AMOT: variants seen among roughly 807,000 people sequenced by gnomAD.
The protein encoded by AMOT is angiomotin.
Under a neutral mutation model 67.0 loss-of-function variants are expected in AMOT, and 11 were observed. The ratio of observed to expected loss-of-function variants is 0.16; its 90% confidence interval spans 0.10 to 0.27. The LOEUF is 0.27. Ranked by LOEUF, AMOT falls within the 10% of genes least tolerant of loss-of-function variation. The probability of loss-of-function intolerance (pLI) is 1.00; values close to 1 mark genes in which losing one functional copy is unlikely to be tolerated. For missense variants in AMOT, 753 were observed against 852.0 expected (o/e 0.88, Z 1.45); for synonymous variants, 326 against 321.4 (o/e 1.01, Z -0.15).
Position 112,816,839 on chromosome X carries a change from T to G in AMOT, c.873-962A>C, listed in dbSNP as rs770444522. ...TTCCAGAAAGAGACCTTTGGTACAT[T>G]GTTTAATGTGGCTCTCCCATTTTTG... is the stretch of plus-strand genomic sequence containing the variant. On this transcript the variant is annotated intron_variant, in intron 4 of 13. Coordinates refer to ENST00000371959, the MANE Select transcript of AMOT (RefSeq NM_001113490.2). Among the ~76,000 whole-genome samples the G allele has an allele frequency of 2.7e-5, 3 of 112,253 alleles. No individual in the cohort carries two copies. In the South Asian group the frequency reaches 1.1e-3, roughly 42 times the overall value.
intron 9 of AMOT, 61 bp from the exon 10 acceptor site, chrX:112,790,843 C>T (rs1427020957): frequency 2.9e-6 from 3 of 1,020,028 alleles, no homozygotes; most frequent in African/African-American, 1.9e-5. Flanking sequence ...GTGTCTGAGC[C>T]CCTATTCTTG....
intron 4 of AMOT, 145 bp downstream of exon 4, chrX:112,822,110 G>T: frequency 1.4e-6 from 1 of 735,989 alleles, no homozygotes; most frequent in Non-Finnish European, 1.8e-6. Context: ...CGGGTTGGCA[G>T]GCAATTCACG....
At position 112,815,391 on chromosome X, in the gene AMOT, T is replaced by C. The variant is rs1934510696; in HGVS notation, c.1359A>G (p.Glu453=). ...GTCTTGCCACCTTCTCATAGCATCC[T>C]TCCAACTCTTGCCTCAAGTTCCGGT... ...DENRNLRQEL[E]GCYEKVARLQ... is the part of the protein sequence containing the mutation. Residue 453 remains glutamate (E), a synonymous_variant, in exon 5 of 14, where the codon GAA becomes GAG. Coordinates refer to ENST00000371959, the MANE Select transcript of AMOT (RefSeq NM_001113490.2). 1 of 1,211,433 alleles carries C rather than the reference T, an allele frequency of 8.3e-7. No individual in the cohort carries two copies. The highest frequency in any genetic ancestry group is 1.8e-5 in the South Asian group (1 of 56,839).
At chrX:112,791,793 T>G (rs1354627091) in intron 9 of AMOT, 39 bp downstream of exon 9, 1 of 1,197,848 alleles carries the variant, frequency 8.3e-7, no homozygotes, top group Non-Finnish European at 1.1e-6. Context: ...TGTCATTTTC[T>G]TACTTTTTTT....
chrX:112,804,916 CAGG>C, intron 8 of AMOT, 28 bp downstream of exon 8: 6 of 1,190,614 alleles, frequency 5.0e-6, no homozygotes, highest in East Asian at 6.0e-5. Context: ...CTCCCACCCC[CAGG>C]CTCATATGCT....
intron 12 of AMOT, chrX:112,780,444 C>A (rs1933111931): frequency 7.0e-6 from 1 of 143,270 alleles, no homozygotes; most frequent in African/African-American, 3.1e-5. Context: ...AAACCTGCTA[C>A]CCAAACGATT....
chrX:112,814,003 T>C (rs1214764412), intron 5 of AMOT, among the ~76,000 whole-genome samples: 2 of 112,111 alleles, frequency 1.8e-5, no homozygotes, highest in African/African-American at 6.5e-5. Flanking sequence ...CCAGGCGCAG[T>C]GGCTCACGCC....
intron 5 of AMOT, among the ~76,000 whole-genome samples, chrX:112,815,066 T>C (rs747233772): frequency 3.6e-5 from 4 of 112,358 alleles, no homozygotes; most frequent in Non-Finnish European, 7.5e-5. Context: ...GAAGTATCAC[T>C]GCCTTTTGGA....
In AMOT at chrX:112,815,832, C is replaced by G. The variant is rs1381681624; in HGVS notation, c.918G>C (p.Gln306His). Reference sequence around the variant, plus strand: ...TCAGAGAAGAAGTAGGGCTGTGAGGCTGCGAGTTCCTGGCTGACAATGGCA... The same window carrying G: ...TCAGAGAAGAAGTAGGGCTGTGAGGGTGCGAGTTCCTGGCTGACAATGGCA... ...ISLPLSARNSQPHSPTSSLTS... is the reference protein window; with the variant it reads ...ISLPLSARNSHPHSPTSSLTS... The change falls in exon 5 of 14, where the codon CAG (glutamine) becomes CAC (histidine). Residue 306 changes from glutamine to histidine, a missense_variant. By Grantham distance (24) the Gln-to-His change is conservative. Coordinates refer to ENST00000371959, the MANE Select transcript of AMOT (RefSeq NM_001113490.2). The G allele has an allele frequency of 8.6e-7, 1 of 1,166,790 alleles. No homozygotes were observed. Among genetic ancestry groups the G allele is most frequent in the South Asian group, 1.9e-5 (1 of 52,601 alleles).
chrX:112,789,327 G>C (rs1265556943), intron 10 of AMOT, among the ~76,000 whole-genome samples: 1 of 111,256 alleles, frequency 9.0e-6, no homozygotes, highest in Non-Finnish European at 1.9e-5. Flanking sequence ...GCAGAGCTGG[G>C]GCTTCTGTGC....
chrX:112,804,611 T>C (rs1446523711), intron 8 of AMOT, among the ~76,000 whole-genome samples: 3 of 112,044 alleles, frequency 2.7e-5, no homozygotes, highest in Non-Finnish European at 5.6e-5. Context: ...TATGTCCATA[T>C]ATATATTTAT....
chrX:112,827,688 T>C (rs780717345), intron 2 of AMOT, among the ~76,000 whole-genome samples: 1 of 112,273 alleles, frequency 8.9e-6, no homozygotes, highest in South Asian at 3.7e-4. Flanking sequence ...TTTGCAGTCA[T>C]TGGCCTCTCC....
chrX:112,801,366 A>T (rs1415350306), intron 8 of AMOT, among the ~76,000 whole-genome samples: 1 of 111,374 alleles, frequency 9.0e-6, no homozygotes, highest in Admixed American at 9.6e-5. Flanking sequence ...ACGGAAAGGC[A>T]CCATTTACCT....
At chrX:112,814,742 G>GC (rs1934488151) in intron 5 of AMOT, among the ~76,000 whole-genome samples, 1 of 111,469 alleles carries the variant, frequency 9.0e-6, no homozygotes, top group Non-Finnish European at 1.9e-5. Flanking sequence ...AGCCCCTCCT[G>GC]CCCCCCACAT....
In AMOT at chrX:112,826,667, G is replaced by A. The variant is rs1055519224; in HGVS notation, c.-211-1447C>T. Reference sequence around the variant, plus strand: ...CCTTTTTTTTCCAACTGAAACACCAGAAAACAGCCCAAGGCTTTTAAACGC... The same window carrying A: ...CCTTTTTTTTCCAACTGAAACACCAAAAAACAGCCCAAGGCTTTTAAACGC... On this transcript the variant is annotated intron_variant, in intron 2 of 13. Transcript: ENST00000371959. Among the ~76,000 whole-genome samples, 5 of 111,515 alleles carry A rather than the reference G, an allele frequency of 4.5e-5. No homozygotes were observed. The East Asian group carries it at 1.4e-3, about 32-fold the overall frequency.
At chrX:112,825,476 A>G (rs1934820756) in intron 2 of AMOT, among the ~76,000 whole-genome samples, 1 of 111,233 alleles carries the variant, frequency 9.0e-6, no homozygotes, top group Non-Finnish European at 1.9e-5. Context: ...CTCTGTTCTG[A>G]CCTCACAGCC....
At chrX:112,823,845 CT>C (rs1284663840) in intron 3 of AMOT, among the ~76,000 whole-genome samples, 1 of 112,009 alleles carries the variant, frequency 8.9e-6, no homozygotes, top group Non-Finnish European at 1.9e-5. Context: ...ATACTTATTA[CT>C]GACAAAGTTG....
intron 4 of AMOT, among the ~76,000 whole-genome samples, chrX:112,816,652 A>C (rs186521928): frequency 4.4e-4 from 49 of 111,931 alleles, no homozygotes; most frequent in Admixed American, 3.1e-3. Context: ...ACAGATGGGG[A>C]ATGAGGTCCA....
intron 4 of AMOT, among the ~76,000 whole-genome samples, chrX:112,817,048 C>T (rs921855345): frequency 4.5e-5 from 5 of 111,936 alleles, no homozygotes; most frequent in African/African-American, 1.6e-4. Flanking sequence ...AGCTCATGCC[C>T]AATTAACCTC....
Sources: allele counts gnomAD v4.1 joint callset (sites outside exome capture counted in the v4.1 genomes callset), GRCh38; gene constraint gnomAD v4.1.1; transcripts MANE v1.5; gene names NCBI Gene and HGNC (gene_info 2026-07-23, HGNC 2026-07-21).